CD247: variants seen among roughly 807,000 people sequenced by gnomAD.
CD247 encodes T-cell surface glycoprotein CD3 zeta chain.
In CD247, 13 loss-of-function variants were observed where a neutral mutation model predicts 30.0. That is an observed-to-expected ratio of 0.43 (90% confidence interval 0.28 to 0.69). The LOEUF is 0.69. Among genes scored for constraint, CD247 ranks in the 30% least tolerant of loss-of-function variants. The pLI is 0.16. For missense variants in CD247, 193 were observed against 212.6 expected (o/e 0.91, Z 0.57); for synonymous variants, 72 against 80.0 (o/e 0.90, Z 0.53).
intron 1 of CD247, among the ~76,000 whole-genome samples, chr1:167,462,465 G>C (rs538685348): frequency 6.6e-6 from 1 of 152,342 alleles, no homozygotes; most frequent in East Asian, 1.9e-4. Flanking sequence ...TCACAACCCA[G>C]GTTGGGGACC....
At chr1:167,445,442 T>G (rs1042086854) in intron 1 of CD247, among the ~76,000 whole-genome samples, 1 of 152,072 alleles carries the variant, frequency 6.6e-6, no homozygotes. Flanking sequence ...CAGCCAAAGA[T>G]GATCACAGAG....
intron 1 of CD247, among the ~76,000 whole-genome samples, chr1:167,443,454 G>C (rs537139028): frequency 6.6e-6 from 1 of 152,326 alleles, no homozygotes; most frequent in African/African-American, 2.4e-5. Flanking sequence ...CCCCATGAAG[G>C]CCACCAAAGC....
At chr1:167,453,147 C>T (rs1335710360) in intron 1 of CD247, among the ~76,000 whole-genome samples, 1 of 151,392 alleles carries the variant, frequency 6.6e-6, no homozygotes, top group Non-Finnish European at 1.5e-5. Flanking sequence ...GATGCTGTAA[C>T]AATCATTGTC....
chr1:167,486,373 G>A lies in CD247; in HGVS notation c.58+32035C>T, dbSNP rs1026739355. ...TGAGCAGGTCACTTAACCTCTCAGA[G>A]CACTGGAGCAAAATCGAGGGACTGG... On this transcript the variant is annotated intron_variant, in intron 1 of 7. Coordinates refer to ENST00000362089, the MANE Select transcript of CD247 (RefSeq NM_198053.3). Among the ~76,000 whole-genome samples, 35 of 152,340 alleles carry A rather than the reference G, an allele frequency of 2.3e-4. 1 individual carries two copies. Among genetic ancestry groups the A allele is most frequent in the Middle Eastern group, 3.4e-3 (1 of 294 alleles).
At chr1:167,473,728 A>C (rs6694687) in intron 1 of CD247, among the ~76,000 whole-genome samples, 3,122 of 152,228 alleles carry the variant, frequency 0.021, 104 homozygotes, top group African/African-American at 0.071. Flanking sequence ...CCCTCACCTA[A>C]GCATTCCTGA....
intron 4 of CD247, among the ~76,000 whole-genome samples, chr1:167,437,014 A>C (rs891102635): frequency 6.6e-6 from 1 of 152,156 alleles, no homozygotes; most frequent in Admixed American, 6.5e-5. Flanking sequence ...TTGTTGAAGA[A>C]ATGTCTATAC....
At position 167,430,817 on chromosome 1, in the gene CD247, C is replaced by A. The variant is rs112919848; in HGVS notation, c.*864G>T. 3.0e-5 allele frequency: 12 copies of A among 398,760 alleles called. No homozygotes were observed. Among genetic ancestry groups the A allele is most frequent in the African/African-American group, 1.8e-4 (9 of 48,788 alleles). The allele number at this position is 398,760 out of a possible 1,614,324, so 24.7% of individuals were successfully genotyped here. A position where few individuals can be genotyped will look rare whatever the true frequency, so the allele number is the denominator to read the frequency against. ...GTTTTTCCTGTCCTGCCACTGTCCG[C>A]TGGGCAGTTATAGGTCCCATGTGTT... is the stretch of plus-strand genomic sequence containing the variant. On this transcript the variant is annotated 3_prime_UTR_variant, in exon 8 of 8. Coordinates refer to ENST00000362089, the MANE Select transcript of CD247 (RefSeq NM_198053.3).
intron 2 of CD247, 179 bp from the exon 3 acceptor site, chr1:167,439,579 T>TGAGCCCAGTTGTCCTTTTTCC: frequency 1.6e-6 from 1 of 614,632 alleles, no homozygotes; most frequent in East Asian, 2.8e-5. Context: ...CCCCTTTTTC[T>TGAGCCCAGTTGTCCTTTTTCC]GAGCCCAGTT....
At chr1:167,452,267 C>T (rs1437663084) in intron 1 of CD247, among the ~76,000 whole-genome samples, 1 of 151,008 alleles carries the variant, frequency 6.6e-6, no homozygotes, top group Non-Finnish European at 1.5e-5. Context: ...TAATAAAATA[C>T]AAAAAATTAG....
At chr1:167,477,998 C>T (rs992456380) in intron 1 of CD247, among the ~76,000 whole-genome samples, 1 of 152,220 alleles carries the variant, frequency 6.6e-6, no homozygotes, top group African/African-American at 2.4e-5. Context: ...ACCAGGATGT[C>T]ATGAAAGTTC....
chr1:167,450,911 C>CAAA, intron 1 of CD247, among the ~76,000 whole-genome samples: 1 of 116,500 alleles, frequency 8.6e-6, no homozygotes, highest in East Asian at 2.4e-4. Context: ...GCATCTGTCT[C>CAAA]AAAAAAAAAA....
chr1:167,469,649 A>G (rs534171058), intron 1 of CD247, among the ~76,000 whole-genome samples: 104 of 152,064 alleles, frequency 6.8e-4, no homozygotes, highest in Non-Finnish European at 1.2e-3. Context: ...TCCAATAATT[A>G]GGCCTGAAAG....
intron 1 of CD247, among the ~76,000 whole-genome samples, chr1:167,501,836 TG>T (rs1654921248): frequency 6.6e-6 from 1 of 152,196 alleles, no homozygotes; most frequent in Non-Finnish European, 1.5e-5. Flanking sequence ...GACCACTGTA[TG>T]TGGAGCCGAG....
chr1:167,494,681 C>CA lies in CD247; in HGVS notation c.58+23726dup, dbSNP rs1257431476. On this transcript the variant is annotated intron_variant, in intron 1 of 7. Transcript: ENST00000362089. The surrounding 1 kb of genome is among the most constrained non-coding windows in gnomAD (Gnocchi z 7.3). ...CATGTCTCTGGATTGTTAAAAGGAT[C>CA]AAAAAAGATCATGAGTAGTGCATTC... 4.6e-5 allele frequency among the ~76,000 whole-genome samples: 7 copies of CA among 152,060 alleles called. No individual in the cohort carries two copies. The highest frequency in any genetic ancestry group is 1.4e-4 in the African/African-American group (6 of 41,402).
chr1:167,507,823 G>A (rs147840967), intron 1 of CD247, among the ~76,000 whole-genome samples: 16 of 143,260 alleles, frequency 1.1e-4, no homozygotes, highest in African/African-American at 4.4e-4. Context: ...GTGAAGAAGG[G>A]AGACCCTATC....
rs537492411 is a variant in CD247, at chr1:167,461,791, T to A, written c.59-21024A>T. On this transcript the variant is annotated intron_variant, in intron 1 of 7. Coordinates refer to ENST00000362089, the MANE Select transcript of CD247 (RefSeq NM_198053.3). The stretch of plus-strand genomic sequence containing the variant: ...TGAACCTGGGAGGCAGAGGTTGCAG[T>A]GAGCCGAGATCACGCCACTGCACTC... Among the ~76,000 whole-genome samples the A allele has an allele frequency of 8.3e-4, 126 of 151,970 alleles. 3 individuals carry two copies. In the South Asian group the frequency reaches 0.026, roughly 31 times the overall value.
intron 1 of CD247, among the ~76,000 whole-genome samples, chr1:167,505,817 C>T (rs1655090259): frequency 6.6e-6 from 1 of 152,212 alleles, no homozygotes; most frequent in South Asian, 2.1e-4. Flanking sequence ...AAGCCATCCC[C>T]TTCATGGACA....
intron 5 of CD247, chr1:167,434,972 CTCCTCCAGCCCT>C (rs1227610854): frequency 1.9e-5 from 6 of 311,962 alleles, no homozygotes; most frequent in Admixed American, 1.6e-4. Context: ...CTCCGGAGCC[CTCCTCCAGCCCT>C]TCCTCCAGCC....
At chr1:167,440,559 C>T (rs950740035) in intron 2 of CD247, 105 bp downstream of exon 2, 7 of 759,344 alleles carry the variant, frequency 9.2e-6, no homozygotes, top group Non-Finnish European at 1.6e-5. Context: ...GGATACCAAG[C>T]CCCAGGCACC....
Sources: allele counts gnomAD v4.1 joint callset (sites outside exome capture counted in the v4.1 genomes callset), GRCh38; gene constraint gnomAD v4.1.1; non-coding constraint Gnocchi (gnomAD v3.1); transcripts MANE v1.5; gene names NCBI Gene and HGNC (gene_info 2026-07-23, HGNC 2026-07-21).